SLC17A7: variants seen among roughly 807,000 people sequenced by gnomAD.
SLC17A7 encodes the protein solute carrier family 17 member 7, also known as vesicular glutamate transporter 1.
Under a neutral mutation model 59.1 loss-of-function variants are expected in SLC17A7, and 15 were observed. The observed-to-expected ratio is 0.25, with a 90% confidence interval of 0.17 to 0.39. SLC17A7 has a LOEUF of 0.39. Among genes scored for constraint, SLC17A7 ranks in the 10% least tolerant of loss-of-function variants. The probability of loss-of-function intolerance (pLI) is 1.00; values close to 1 mark genes in which losing one functional copy is unlikely to be tolerated. For synonymous variants in SLC17A7, 353 were observed against 308.9 expected (o/e 1.14, Z -1.50); for missense variants, 499 against 765.1 (o/e 0.65, Z 4.10).
Position 49,432,894 on chromosome 19 carries a change from A to T in SLC17A7, c.934T>A (p.Phe312Ile). Residue 312 changes from phenylalanine to isoleucine, a missense_variant, in exon 8 of 12, where the codon TTC becomes ATC. Phe to Ile is a conservative substitution (Grantham distance 21). Transcript: ENST00000221485. ...MPVYAIIVAN[F>I]CRSWTFYLLL... is the part of the protein sequence containing the mutation. Reference sequence around the variant, plus strand: ...AGGTAGAACGTCCAGCTGCGGCAGAAGTTGGCCACGATGATGGCATAGACT... The same window carrying T: ...AGGTAGAACGTCCAGCTGCGGCAGATGTTGGCCACGATGATGGCATAGACT... The T allele has an allele frequency of 3.1e-6, 5 of 1,602,236 alleles. No homozygotes were observed. Among genetic ancestry groups the T allele is most frequent in the Non-Finnish European group, 4.3e-6 (5 of 1,174,530 alleles).
rs375622644 is a variant in SLC17A7 at position 49,430,989 on chromosome 19, G to A, written c.1389+26C>T. On this transcript the variant is annotated intron_variant, in intron 11 of 11. Transcript: ENST00000221485. ...GGTACGAAGCACACACTTGGAGGCAGACTGAGTCAGGACTGCGGCACCCAC... is the reference window on the plus strand; with the variant it reads ...GGTACGAAGCACACACTTGGAGGCAAACTGAGTCAGGACTGCGGCACCCAC... 11 of 1,591,986 alleles carry A rather than the reference G, an allele frequency of 6.9e-6. No individual in the cohort carries two copies. The African/African-American group carries it at 1.5e-4, about 21-fold the overall frequency.
In SLC17A7 at chr19:49,433,487, T is replaced by C. The variant is rs2078968658; in HGVS notation, c.867+239A>G. On this transcript the variant is annotated intron_variant, in intron 7 of 11. Coordinates refer to ENST00000221485, the MANE Select transcript of SLC17A7 (RefSeq NM_020309.4). The surrounding 1 kb of genome is among the most constrained non-coding windows in gnomAD (Gnocchi z 5.7). Reference sequence around the variant, plus strand: ...ACATTCTAATCCCTTCTCTGCTGGCTTTAACTATGCCCTGTCAGTGGTTCT... The same window carrying C: ...ACATTCTAATCCCTTCTCTGCTGGCCTTAACTATGCCCTGTCAGTGGTTCT... 1 of 671,650 alleles carries C rather than the reference T, an allele frequency of 1.5e-6. No homozygotes were observed. The highest frequency in any genetic ancestry group is 1.8e-5 in the African/African-American group (1 of 56,374). The allele number at this position is 671,650 out of a possible 1,614,324, so 41.6% of individuals were successfully genotyped here. A position where few individuals can be genotyped will look rare whatever the true frequency, so the allele number is the denominator to read the frequency against.
Position 49,433,948 on chromosome 19 carries a change from C to A in SLC17A7, c.724+12G>T. On this transcript the variant is annotated intron_variant, in intron 6 of 11. Coordinates refer to ENST00000221485, the MANE Select transcript of SLC17A7 (RefSeq NM_020309.4). The surrounding 1 kb of genome is among the most constrained non-coding windows in gnomAD (Gnocchi z 5.7). ...CCAGCGCCACCCGGAACCAGGCATC[C>A]GGGTCCCTCACCGTAGACGTAGAAA... 1 of 1,613,446 alleles carries A rather than the reference C, an allele frequency of 6.2e-7. No individual in the cohort carries two copies.
intron 1 of SLC17A7, 146 bp downstream of exon 1, chr19:49,441,172 G>T (rs2078998378): frequency 6.8e-7 from 1 of 1,479,494 alleles, no homozygotes. Flanking sequence ...GAACAGCGCC[G>T]TCGGAGCCCA....
In SLC17A7 at chr19:49,436,858, C is replaced by G; in HGVS notation, c.63-57G>C. On this transcript the variant is annotated intron_variant, in intron 1 of 11. Coordinates refer to ENST00000221485, the MANE Select transcript of SLC17A7 (RefSeq NM_020309.4). The surrounding 1 kb of genome is among the most constrained non-coding windows in gnomAD (Gnocchi z 4.1). ...GTCCAGGCCCCCAGCCCCCTCACCC[C>G]CAAGACCAGGATCCAGGGCAAAACC... 6.4e-7 allele frequency: 1 copy of G among 1,574,354 alleles called. No homozygotes were observed. The highest frequency in any genetic ancestry group is 2.3e-5 in the East Asian group (1 of 44,002).
rs1209240728 is a variant in SLC17A7 at position 49,429,751 on chromosome 19, A to G, written c.*768T>C. On this transcript the variant is annotated 3_prime_UTR_variant, in exon 12 of 12. Transcript: ENST00000221485. ...GGGGAGTTCAATGGTGGTAGCTTCA[A>G]ACCTTTGAGTTCATGGACTGGAGCA... 1 of 395,514 alleles carries G rather than the reference A, an allele frequency of 2.5e-6. No individual in the cohort carries two copies. The highest frequency in any genetic ancestry group is 4.5e-6 in the Non-Finnish European group (1 of 224,344). The allele number at this position is 395,514 out of a possible 1,614,324, so 24.5% of individuals were successfully genotyped here. A position where few individuals can be genotyped will look rare whatever the true frequency, so the allele number is the denominator to read the frequency against.
rs367904378 is a variant in SLC17A7 at position 49,430,397 on chromosome 19, G to A, written c.*122C>T. ...AGGATTTGACAGCACTGGGAACAAG[G>A]GAGAGTGCTTCTTAGGCCTGAGGCA... On this transcript the variant is annotated 3_prime_UTR_variant, in exon 12 of 12. Coordinates refer to ENST00000221485, the MANE Select transcript of SLC17A7 (RefSeq NM_020309.4). 2.7e-4 allele frequency: 182 copies of A among 683,054 alleles called. 5 individuals carry two copies. The South Asian group carries it at 3.3e-3, about 12-fold the overall frequency. 42.3% of individuals were successfully genotyped at this position (683,054 alleles called of 1,614,324 possible).
In SLC17A7 at chr19:49,433,369, C is replaced by G; in HGVS notation, c.867+357G>C. On this transcript the variant is annotated intron_variant, in intron 7 of 11. Transcript: ENST00000221485. The surrounding 1 kb of genome is among the most constrained non-coding windows in gnomAD (Gnocchi z 5.7). ...CTCCACCCCCAAAGTGTTGGGATTG[C>G]AGGCGGAAGCCACTGAGCCTGCCCT... is the stretch of plus-strand genomic sequence containing the variant. The G allele has an allele frequency of 4.5e-6, 2 of 440,860 alleles. No homozygotes were observed. Among genetic ancestry groups the G allele is most frequent in the Non-Finnish European group, 8.4e-6 (2 of 237,570 alleles). The allele number at this position is 440,860 out of a possible 1,614,324, so 27.3% of individuals were successfully genotyped here.
chr19:49,435,901 G>A (rs1443013613), intron 2 of SLC17A7: 1 of 153,744 alleles, frequency 6.5e-6, no homozygotes, highest in African/African-American at 2.4e-5. Context: ...TCTCTACAAA[G>A]ATAAAAATAA....
chr19:49,434,503 G>A lies in SLC17A7; in HGVS notation c.637+99C>T, dbSNP rs1190010453. ...TCTCCTCCTCCTCCCTCAGACACAG[G>A]AGTTCAGCCCCCCCAGCCCCTCCCC... On this transcript the variant is annotated intron_variant, in intron 5 of 11. Coordinates refer to ENST00000221485, the MANE Select transcript of SLC17A7 (RefSeq NM_020309.4). The A allele has an allele frequency of 9.6e-6, 11 of 1,146,130 alleles. No homozygotes were observed. The South Asian group carries it at 1.1e-4, about 11-fold the overall frequency. The allele number at this position is 1,146,130 out of a possible 1,614,324, so 71.0% of individuals were successfully genotyped here.
At position 49,433,185 on chromosome 19, in the gene SLC17A7, C is replaced by T; in HGVS notation, c.868-225G>A. The T allele has an allele frequency of 1.7e-6, 1 of 574,488 alleles. No individual in the cohort carries two copies. Among genetic ancestry groups the T allele is most frequent in the Non-Finnish European group, 3.1e-6 (1 of 326,292 alleles). The allele number at this position is 574,488 out of a possible 1,614,324, so 35.6% of individuals were successfully genotyped here. On this transcript the variant is annotated intron_variant, in intron 7 of 11. Coordinates refer to ENST00000221485, the MANE Select transcript of SLC17A7 (RefSeq NM_020309.4). The surrounding 1 kb of genome is among the most constrained non-coding windows in gnomAD (Gnocchi z 5.7). ...TGAAGGGGTCCTGGCCCTATGGTAG[C>T]CTCTCAGGTCCGCAGGTGTCCGGGC...
chr19:49,429,582 T>C lies in SLC17A7; in HGVS notation c.*937A>G, dbSNP rs1485011626. 1 of 398,856 alleles carries C rather than the reference T, an allele frequency of 2.5e-6. No individual in the cohort carries two copies. The highest frequency in any genetic ancestry group is 4.4e-6 in the Non-Finnish European group (1 of 226,086). 24.7% of individuals were successfully genotyped at this position (398,856 alleles called of 1,614,324 possible). A position where few individuals can be genotyped will look rare whatever the true frequency, so the allele number is the denominator to read the frequency against. On this transcript the variant is annotated 3_prime_UTR_variant, in exon 12 of 12. Transcript: ENST00000221485. ...CAAATTCTAAGCTGAAAGAGGGGTG[T>C]CTGAGAGGGGAAGGATCCCAGATTT...
rs1041362950 is a variant in SLC17A7 at position 49,436,459 on chromosome 19, A to G, written c.315+90T>C. The G allele has an allele frequency of 6.6e-7, 1 of 1,517,070 alleles. No individual in the cohort carries two copies. The highest frequency in any genetic ancestry group is 1.4e-5 in the African/African-American group (1 of 73,242). The allele number at this position is 1,517,070 out of a possible 1,614,324, so 94.0% of individuals were successfully genotyped here. A position where few individuals can be genotyped will look rare whatever the true frequency, so the allele number is the denominator to read the frequency against. ...GCGTTTCGGAAGGGGCGTGGCCTGGACGTCTGGTGGGTGAGTGTGACGTCA... is the reference window on the plus strand; with the variant it reads ...GCGTTTCGGAAGGGGCGTGGCCTGGGCGTCTGGTGGGTGAGTGTGACGTCA... On this transcript the variant is annotated intron_variant, in intron 2 of 11. Transcript: ENST00000221485. The surrounding 1 kb of genome is among the most constrained non-coding windows in gnomAD (Gnocchi z 4.1).
Position 49,433,065 on chromosome 19 carries a change from G to A in SLC17A7, c.868-105C>T. 8.0e-7 allele frequency: 1 copy of A among 1,242,610 alleles called. No homozygotes were observed. Among genetic ancestry groups the A allele is most frequent in the Non-Finnish European group, 1.1e-6 (1 of 894,500 alleles). The allele number at this position is 1,242,610 out of a possible 1,614,324, so 77.0% of individuals were successfully genotyped here. On this transcript the variant is annotated intron_variant, in intron 7 of 11. Transcript: ENST00000221485. The surrounding 1 kb of genome is among the most constrained non-coding windows in gnomAD (Gnocchi z 5.7). Reference sequence around the variant, plus strand: ...AGTTCTGCAGAAACCAAAGGATCCCGACCGCACTGAAACTTCTATGGACCC... The same window carrying A: ...AGTTCTGCAGAAACCAAAGGATCCCAACCGCACTGAAACTTCTATGGACCC...
chr19:49,439,080 T>A (rs1308530219), intron 1 of SLC17A7, among the ~76,000 whole-genome samples: 1 of 152,024 alleles, frequency 6.6e-6, no homozygotes, highest in African/African-American at 2.4e-5. Context: ...CCTCCCTGGA[T>A]ACCCCAAACT....
At position 49,433,174 on chromosome 19, in the gene SLC17A7, C is replaced by A; in HGVS notation, c.868-214G>T. The stretch of plus-strand genomic sequence containing the variant: ...CACTTGAGTGATGAAGGGGTCCTGG[C>A]CCTATGGTAGCCTCTCAGGTCCGCA... On this transcript the variant is annotated intron_variant, in intron 7 of 11. Coordinates refer to ENST00000221485, the MANE Select transcript of SLC17A7 (RefSeq NM_020309.4). The surrounding 1 kb of genome is among the most constrained non-coding windows in gnomAD (Gnocchi z 5.7). 1.7e-6 allele frequency: 1 copy of A among 592,942 alleles called. No individual in the cohort carries two copies. The allele number at this position is 592,942 out of a possible 1,614,324, so 36.7% of individuals were successfully genotyped here. A position where few individuals can be genotyped will look rare whatever the true frequency, so the allele number is the denominator to read the frequency against.
intron 3 of SLC17A7, 24 bp downstream of exon 3, chr19:49,435,144 C>A (rs1386835946): frequency 1.3e-6 from 2 of 1,547,826 alleles, no homozygotes; most frequent in East Asian, 4.5e-5. Context: ...AGTTACCGCC[C>A]ACTTTGAGAC....
At chr19:49,432,786 C>G (rs374987041) in intron 8 of SLC17A7, 25 bp downstream of exon 8, 1 of 1,587,276 alleles carries the variant, frequency 6.3e-7, no homozygotes, top group Non-Finnish European at 8.6e-7. Context: ...TCCGCGCCCC[C>G]CTGCCCTCTC....
chr19:49,441,397 C>A lies in SLC17A7; in HGVS notation c.-18G>T. The stretch of plus-strand genomic sequence containing the variant: ...AACTCCATGGTGGCGGCTCCTGCCG[C>A]CGGTCACCCCGCGGGTCCCCCCCGC... On this transcript the variant is annotated 5_prime_UTR_variant, in exon 1 of 12. Coordinates refer to ENST00000221485, the MANE Select transcript of SLC17A7 (RefSeq NM_020309.4). 1 of 1,518,242 alleles carries A rather than the reference C, an allele frequency of 6.6e-7. No individual in the cohort carries two copies. The highest frequency in any genetic ancestry group is 1.4e-5 in the African/African-American group (1 of 70,144). 94.0% of individuals were successfully genotyped at this position (1,518,242 alleles called of 1,614,324 possible).
Sources: allele counts gnomAD v4.1 joint callset (sites outside exome capture counted in the v4.1 genomes callset), GRCh38; gene constraint gnomAD v4.1.1; non-coding constraint Gnocchi (gnomAD v3.1); transcripts MANE v1.5; gene names NCBI Gene and HGNC (gene_info 2026-07-23, HGNC 2026-07-21).